The following OBI1 variants were observed in gnomAD, a reference collection of about 807,000 sequenced individuals.
OBI1 encodes ring finger protein 219.
OBI1 carries 59 observed loss-of-function variants against 62.4 expected under a neutral mutation model. The ratio of observed to expected loss-of-function variants is 0.95; its 90% CI spans 0.77 to 1.17. OBI1 has a LOEUF of 1.17. Ranked by LOEUF, OBI1 falls within the 50% of genes most tolerant of loss-of-function variation. OBI1 has a pLI of 0.00. For missense variants in OBI1, 875 were observed against 830.9 expected, an observed-to-expected ratio of 1.05 and a Z score of -0.65; for synonymous variants, 302 against 292.8, an observed-to-expected ratio of 1.03 and a Z score of -0.32.
intron 1 of OBI1, among the ~76,000 whole-genome samples, chr13:78,651,030 T>C (rs575444634): frequency 1.3e-5 from 2 of 152,300 alleles, no homozygotes; most frequent in African/African-American, 4.8e-5. Flanking sequence ...TCACCAATAT[T>C]TTATGTATCA....
chr13:78,620,851 C>T (rs1024402357), intron 5 of OBI1, among the ~76,000 whole-genome samples: 2 of 152,218 alleles, frequency 1.3e-5, no homozygotes, highest in Non-Finnish European at 1.5e-5. Flanking sequence ...AAGAATACCA[C>T]ACCTGAGTAC....
chr13:78,648,681 A>C (rs187704056), intron 1 of OBI1, among the ~76,000 whole-genome samples: 1 of 152,290 alleles, frequency 6.6e-6, no homozygotes, highest in East Asian at 1.9e-4. Context: ...TGGGAGGCCG[A>C]GGCGGGCTGA....
chr13:78,620,529 G>A, intron 5 of OBI1: 1 of 437,948 alleles, frequency 2.3e-6, no homozygotes, highest in Non-Finnish European at 4.6e-6. Context: ...AGCTACAATT[G>A]ATATCGGAAC....
intron 3 of OBI1, among the ~76,000 whole-genome samples, chr13:78,639,735 C>T (rs919477792): frequency 6.7e-6 from 1 of 148,766 alleles, no homozygotes; most frequent in South Asian, 2.2e-4. Context: ...AGTAAACTAT[C>T]GCAAGAACAA....
chr13:78,653,078 A>ATAC (rs1274434984), intron 1 of OBI1, among the ~76,000 whole-genome samples: 1 of 152,208 alleles, frequency 6.6e-6, no homozygotes, highest in African/African-American at 2.4e-5. Context: ...AAAAGCAAGT[A>ATAC]TACTTGGGCA....
At chr13:78,658,735 T>G (rs1401847049) in intron 1 of OBI1, among the ~76,000 whole-genome samples, 1 of 152,168 alleles carries the variant, frequency 6.6e-6, no homozygotes, top group African/African-American at 2.4e-5. Flanking sequence ...GCGATGCGTT[T>G]CTGATGGGGC....
At chr13:78,635,787 G>A (rs1876011424) in intron 4 of OBI1, among the ~76,000 whole-genome samples, 1 of 152,036 alleles carries the variant, frequency 6.6e-6, no homozygotes. Flanking sequence ...TTTTTTGAAA[G>A]AGTCTTGCTC....
intron 5 of OBI1, among the ~76,000 whole-genome samples, chr13:78,627,539 T>G (rs994018861): frequency 3.3e-5 from 5 of 152,162 alleles, no homozygotes; most frequent in African/African-American, 1.2e-4. Flanking sequence ...TAGTTTTCTG[T>G]TCCTGTGCTA....
In OBI1 at chr13:78,616,080, A is replaced by C; in HGVS notation, c.1681T>G (p.Ser561Ala). The C allele has an allele frequency of 4.3e-6, 7 of 1,614,170 alleles. No individual in the cohort carries two copies. The highest frequency in any genetic ancestry group is 5.9e-6 in the Non-Finnish European group (7 of 1,180,016). Residue 561 changes from serine to alanine, a missense_variant, in exon 6 of 6, where the codon TCA (serine) becomes GCA (alanine). By Grantham distance (99) the Ser-to-Ala change is moderately conservative (BLOSUM62 1). Transcript: ENST00000282003. ...TTTGATAACCCATCCAAATCCAGTG[A>C]CTTAAAACCGTTATTACAAGGGCTC... is the stretch of plus-strand genomic sequence containing the variant. ...SKSPCNNGFKSLDLDGLSKSS... is the reference protein window; with the variant it reads ...SKSPCNNGFKALDLDGLSKSS...
chr13:78,641,332 T>G (rs1373629095), intron 3 of OBI1, among the ~76,000 whole-genome samples: 1 of 152,204 alleles, frequency 6.6e-6, no homozygotes, highest in Non-Finnish European at 1.5e-5. Context: ...GGAACACATA[T>G]ATGAATAAAC....
intron 5 of OBI1, among the ~76,000 whole-genome samples, chr13:78,629,716 C>T (rs982281460): frequency 1.6e-4 from 25 of 152,132 alleles, no homozygotes; most frequent in African/African-American, 6.0e-4. Flanking sequence ...TCAGCTTCTT[C>T]CCTTTCTTGA....
At chr13:78,653,265 A>C (rs577905117) in intron 1 of OBI1, among the ~76,000 whole-genome samples, 1 of 152,322 alleles carries the variant, frequency 6.6e-6, no homozygotes, top group African/African-American at 2.4e-5. Context: ...GGCTAGCAGC[A>C]TCCCTGGGCT....
At chr13:78,646,467 T>C (rs911345538) in intron 1 of OBI1, among the ~76,000 whole-genome samples, 9 of 152,146 alleles carry the variant, frequency 5.9e-5, no homozygotes, top group African/African-American at 2.2e-4. Flanking sequence ...AATTTAAAAA[T>C]ACAAACAAAA....
At chr13:78,653,869 T>G (rs1013101150) in intron 1 of OBI1, among the ~76,000 whole-genome samples, 2 of 152,116 alleles carry the variant, frequency 1.3e-5, no homozygotes, top group Admixed American at 6.6e-5. Flanking sequence ...AAAGACTATG[T>G]AAAGGATTAG....
chr13:78,629,218 A>G (rs1875773459), intron 5 of OBI1, among the ~76,000 whole-genome samples: 2 of 152,154 alleles, frequency 1.3e-5, no homozygotes, highest in South Asian at 4.1e-4. Context: ...GTTGCTGTAC[A>G]GTAAAATGAA....
intron 5 of OBI1, among the ~76,000 whole-genome samples, chr13:78,634,355 C>T (rs1205236587): frequency 1.3e-5 from 2 of 151,472 alleles, no homozygotes; most frequent in African/African-American, 4.8e-5. Context: ...AGTGCAGTGG[C>T]ATGATCTCGG....
rs74609405 is a variant in OBI1 at position 78,640,309 on chromosome 13, T to C, written c.301-1238A>G. On this transcript the variant is annotated intron_variant, in intron 3 of 5. Coordinates refer to ENST00000282003, the MANE Select transcript of OBI1 (RefSeq NM_024546.4). ...GTTCAAGTTCCTGATGGAAAATCAC[T>C]AGTGCTGTATTTGCATATAACCTAC... 7.3e-3 allele frequency among the ~76,000 whole-genome samples: 1,116 copies of C among 152,278 alleles called. 9 individuals carry two copies. The highest frequency in any genetic ancestry group is 0.026 in the African/African-American group (1,084 of 41,558).
intron 1 of OBI1, among the ~76,000 whole-genome samples, chr13:78,649,465 T>C (rs1434300399): frequency 6.6e-6 from 1 of 152,242 alleles, no homozygotes; most frequent in Non-Finnish European, 1.5e-5. Context: ...GAAGTCACTC[T>C]GATCAGTTAC....
At chr13:78,647,990 A>T (rs1253596117) in intron 1 of OBI1, among the ~76,000 whole-genome samples, 7 of 152,160 alleles carry the variant, frequency 4.6e-5, no homozygotes, top group African/African-American at 7.2e-5. Context: ...TTAAAAAAAA[A>T]AATAATGAAC....
Sources: gnomAD v4.1 joint callset for allele counts (sites outside exome capture counted in the v4.1 genomes callset) on GRCh38, gnomAD v4.1.1 for gene constraint, MANE v1.5 for transcripts, NCBI Gene and HGNC (gene_info 2026-07-23, HGNC 2026-07-21) for gene names.